MEGF9: variants seen among roughly 807,000 people sequenced by gnomAD.
The protein encoded by MEGF9 is multiple EGF like domains 9.
Under a neutral mutation model 46.8 loss-of-function variants are expected in MEGF9, and 6 were observed. The ratio of observed to expected loss-of-function variants is 0.13; its 90% confidence interval spans 0.07 to 0.25. The LOEUF is 0.25. Among genes scored for constraint, MEGF9 ranks in the 10% least tolerant of loss-of-function variants. The pLI is 1.00. For synonymous variants in MEGF9, 302 were observed against 330.7 expected, an observed-to-expected ratio of 0.91 and a Z score of 0.94; for missense variants, 683 against 792.4, an observed-to-expected ratio of 0.86 and a Z score of 1.66.
intron 2 of MEGF9, among the ~76,000 whole-genome samples, chr9:120,625,853 A>AAAGAAAG (rs1554795116): frequency 7.5e-5 from 8 of 106,040 alleles, no homozygotes; most frequent in African/African-American, 1.4e-4. Flanking sequence ...AAAAAAAAAA[A>AAAGAAAG]AAAGAAAGAA....
intron 3 of MEGF9, among the ~76,000 whole-genome samples, chr9:120,616,058 C>G (rs2043471046): frequency 6.6e-6 from 1 of 151,984 alleles, no homozygotes; most frequent in Admixed American, 6.6e-5. Context: ...GTGTTAACAA[C>G]AGTCGTGAGA....
intron 1 of MEGF9, among the ~76,000 whole-genome samples, chr9:120,663,185 A>G (rs1419457438): frequency 1.3e-5 from 2 of 152,186 alleles, no homozygotes; most frequent in Non-Finnish European, 2.9e-5. Flanking sequence ...AAAGGAAAGG[A>G]AGAGAATACA....
At chr9:120,634,953 T>G (rs1192238935) in intron 2 of MEGF9, among the ~76,000 whole-genome samples, 1 of 152,232 alleles carries the variant, frequency 6.6e-6, no homozygotes, top group Non-Finnish European at 1.5e-5. Flanking sequence ...TTATTGTCCT[T>G]TCACTTACAG....
intron 1 of MEGF9, among the ~76,000 whole-genome samples, chr9:120,683,821 G>A (rs2043809431): frequency 6.6e-6 from 1 of 151,882 alleles, no homozygotes; most frequent in Non-Finnish European, 1.5e-5. Flanking sequence ...CTAAGCCTGG[G>A]AAGTTGAGGC....
chr9:120,639,105 T>C (rs1258695753), intron 2 of MEGF9, among the ~76,000 whole-genome samples: 1 of 152,240 alleles, frequency 6.6e-6, no homozygotes, highest in Non-Finnish European at 1.5e-5. Flanking sequence ...TTCATTTCAT[T>C]TATAAAGTCT....
At chr9:120,675,614 C>T (rs961975560) in intron 1 of MEGF9, among the ~76,000 whole-genome samples, 2 of 149,726 alleles carry the variant, frequency 1.3e-5, no homozygotes, top group Middle Eastern at 3.5e-3. Flanking sequence ...ACTGGCCAGG[C>T]GCAGTGGCTC....
rs1336107781 is a variant in MEGF9, at chr9:120,601,979, T to A, written c.*3211A>T. ...TAAAAATAAACAGATTTCCAATCCT[T>A]ACACAAACATTCTCCCAATATTAGG... On this transcript the variant is annotated 3_prime_UTR_variant, in exon 6 of 6. Transcript: ENST00000373930. 6.6e-6 allele frequency: 1 copy of A among 152,188 alleles called. No homozygotes were observed. The highest frequency in any genetic ancestry group is 1.5e-5 in the Non-Finnish European group (1 of 68,026). The allele number at this position is 152,188 out of a possible 1,614,324, so 9.4% of individuals were successfully genotyped here.
chr9:120,650,841 G>A (rs1196242424), intron 2 of MEGF9, among the ~76,000 whole-genome samples: 2 of 151,406 alleles, frequency 1.3e-5, no homozygotes, highest in African/African-American at 4.9e-5. Flanking sequence ...TCTCCTGATA[G>A]GTCTTCTCAT....
intron 1 of MEGF9, among the ~76,000 whole-genome samples, chr9:120,701,763 G>A (rs570338340): frequency 3.8e-4 from 58 of 152,338 alleles, no homozygotes; most frequent in Middle Eastern, 3.4e-3. Flanking sequence ...ACCTAGACAA[G>A]GTGGGGAGCA....
At position 120,622,696 on chromosome 9, in the gene MEGF9, T is replaced by C; in HGVS notation, c.863A>G (p.Asp288Gly). 1 of 1,613,830 alleles carries C rather than the reference T, an allele frequency of 6.2e-7. No homozygotes were observed. Among genetic ancestry groups the C allele is most frequent in the Non-Finnish European group, 8.5e-7 (1 of 1,179,822 alleles). ...VIGSICDRCQ[D>G]GYYGFSKNGC... The stretch of plus-strand genomic sequence containing the variant: ...ATTCTTACTAAAGCCATAATATCCA[T>C]CTTGGCATCGGTCACATATAGAGCC... Residue 288 changes from aspartate to glycine, a missense_variant, in exon 3 of 6, where the codon GAT becomes GGT. Asp to Gly is a moderately conservative substitution (Grantham distance 94). This residue lies in a region of MEGF9 where 313 missense variants were observed against 421.1 expected (regional missense o/e 0.74). Coordinates refer to ENST00000373930, the MANE Select transcript of MEGF9 (RefSeq NM_001080497.3).
chr9:120,628,686 A>C (rs1303560324), intron 2 of MEGF9, among the ~76,000 whole-genome samples: 1 of 152,090 alleles, frequency 6.6e-6, no homozygotes, highest in East Asian at 1.9e-4. Flanking sequence ...TATAATGGAC[A>C]GTGAGCTTAC....
rs1343722606 is a variant in MEGF9, at chr9:120,659,572, T to C, written c.605A>G (p.Tyr202Cys). 3.7e-6 allele frequency: 6 copies of C among 1,606,542 alleles called. No homozygotes were observed. The highest frequency in any genetic ancestry group is 5.1e-6 in the Non-Finnish European group (6 of 1,175,990). ...TCCAACCACAGAGCAGTTACATACA[T>C]ACTCTGCAAAGGAAAGAAGGAAAGA... is the stretch of plus-strand genomic sequence containing the variant. ...TEAPSSPPPE[Y>C]VCNCSVVGSL... The change falls in exon 2 of 6, where the codon TAT (tyrosine) becomes TGT (cysteine). Residue 202 changes from tyrosine (Y) to cysteine (C), a missense_variant. Coordinates refer to ENST00000373930, the MANE Select transcript of MEGF9 (RefSeq NM_001080497.3).
chr9:120,706,029 T>C (rs1252502672), intron 1 of MEGF9, among the ~76,000 whole-genome samples: 1 of 152,200 alleles, frequency 6.6e-6, no homozygotes, highest in Non-Finnish European at 1.5e-5. Context: ...CTTACATTTT[T>C]ATTTTCTTCT....
At chr9:120,667,582 A>T (rs1459380313) in intron 1 of MEGF9, among the ~76,000 whole-genome samples, 1 of 152,246 alleles carries the variant, frequency 6.6e-6, no homozygotes, top group African/African-American at 2.4e-5. Flanking sequence ...TCCAACAAAG[A>T]ACTTCACCCA....
At chr9:120,694,125 A>G (rs76836789) in intron 1 of MEGF9, among the ~76,000 whole-genome samples, 6,206 of 152,242 alleles carry the variant, frequency 0.041, 419 homozygotes, top group African/African-American at 0.14. Context: ...GGGGCAAAAG[A>G]TGCATTACAA....
intron 2 of MEGF9, among the ~76,000 whole-genome samples, chr9:120,656,592 AG>A (rs1196678369): frequency 1.3e-5 from 2 of 152,194 alleles, no homozygotes; most frequent in African/African-American, 4.8e-5. Context: ...ATGCACATCA[AG>A]TAGTTAGTAG....
At chr9:120,636,862 G>GGC (rs1299209903) in intron 2 of MEGF9, among the ~76,000 whole-genome samples, 2 of 150,922 alleles carry the variant, frequency 1.3e-5, no homozygotes, top group African/African-American at 2.4e-5. Context: ...GGGTGGGGGG[G>GGC]CCCCTCTGCC....
chr9:120,652,165 C>T (rs185634404), intron 2 of MEGF9, among the ~76,000 whole-genome samples: 609 of 43,558 alleles, frequency 0.014, 24 homozygotes, highest in Non-Finnish European at 0.027. Flanking sequence ...CACACACACA[C>T]ACACACACAC....
intron 1 of MEGF9, among the ~76,000 whole-genome samples, chr9:120,681,502 G>A (rs1298161149): frequency 6.6e-6 from 1 of 152,068 alleles, no homozygotes; most frequent in African/African-American, 2.4e-5. Context: ...GGTTGGGGGA[G>A]GGATGGCACA....
Sources: gnomAD v4.1 joint callset for allele counts (sites outside exome capture counted in the v4.1 genomes callset) on GRCh38, gnomAD v4.1.1 for gene constraint, gnomAD v4.1.1 regional missense constraint, MANE v1.5 for transcripts, NCBI Gene and HGNC (gene_info 2026-07-23, HGNC 2026-07-21) for gene names.